Variants in FKTN observed in about 807,000 individuals in gnomAD.
The protein encoded by FKTN is fukutin.
In FKTN, 47 loss-of-function variants were observed where a neutral mutation model predicts 58.6. The observed-to-expected ratio is 0.80, with a 90% confidence interval of 0.63 to 1.02. The LOEUF (loss-of-function observed/expected upper bound fraction) is 1.02. Among genes scored for constraint, FKTN ranks in the 50% least tolerant of loss-of-function variants. FKTN has a pLI of 0.00. For synonymous variants in FKTN, 178 were observed against 191.9 expected (o/e 0.93, Z 0.60); for missense variants, 516 against 537.3 (o/e 0.96, Z 0.39).
rs575267673 is a variant in FKTN at position 105,624,005 on chromosome 9, C to T, written c.1172+3944C>T. On this transcript the variant is annotated intron_variant, in intron 10 of 10. Transcript: ENST00000357998. ...AAAAAATTCTGTGGGCATCTGTATA[C>T]GTAAAGTAAAAACTTTAAGGGGTTG... Among the ~76,000 whole-genome samples the T allele has an allele frequency of 6.8e-4, 104 of 152,074 alleles. 1 individual carries two copies. The Middle Eastern group carries it at 0.021, about 30-fold the overall frequency.
intron 1 of FKTN, among the ~76,000 whole-genome samples, chr9:105,568,712 A>G (rs1362002356): frequency 1.3e-5 from 2 of 152,232 alleles, no homozygotes; most frequent in African/African-American, 4.8e-5. Context: ...TGGTTCAACC[A>G]TTGTGGAAGA....
chr9:105,634,364 C>T (rs1833831064), intron 10 of FKTN, among the ~76,000 whole-genome samples: 1 of 152,062 alleles, frequency 6.6e-6, no homozygotes, highest in Non-Finnish European at 1.5e-5. Flanking sequence ...GAACTTCTGG[C>T]CTCAAGTGAT....
At chr9:105,560,160 A>G (rs147601195) in intron 1 of FKTN, among the ~76,000 whole-genome samples, 3 of 152,366 alleles carry the variant, frequency 2.0e-5, no homozygotes, top group Non-Finnish European at 4.4e-5. Context: ...AAATATTTAT[A>G]TGTTTCAAGC....
intron 1 of FKTN, among the ~76,000 whole-genome samples, chr9:105,568,462 TCAA>T (rs1157115295): frequency 6.6e-6 from 1 of 151,794 alleles, no homozygotes; most frequent in Non-Finnish European, 1.5e-5. Context: ...AACAACCCCA[TCAA>T]CAAGTGGGCA....
At chr9:105,587,266 G>A (rs1844079607) in intron 3 of FKTN, among the ~76,000 whole-genome samples, 1 of 152,062 alleles carries the variant, frequency 6.6e-6, no homozygotes. Context: ...ATCTTATTTT[G>A]CATTCTATTT....
chr9:105,611,842 TTA>T (rs1169708911), intron 7 of FKTN, among the ~76,000 whole-genome samples: 4 of 152,154 alleles, frequency 2.6e-5, no homozygotes, highest in African/African-American at 9.7e-5. Context: ...AATGAATGAT[TTA>T]TATTCCTTTC....
chr9:105,609,315 A>G (rs1033963161), intron 7 of FKTN, among the ~76,000 whole-genome samples: 11 of 152,322 alleles, frequency 7.2e-5, no homozygotes, highest in Non-Finnish European at 1.0e-4. Flanking sequence ...TTTTAAATAC[A>G]TAAAAGCTGC....
At chr9:105,583,819 A>T (rs1275697544) in intron 3 of FKTN, among the ~76,000 whole-genome samples, 1 of 152,056 alleles carries the variant, frequency 6.6e-6, no homozygotes, top group African/African-American at 2.4e-5. Context: ...TAATGTTTAA[A>T]TTTTTTCACT....
intron 7 of FKTN, among the ~76,000 whole-genome samples, chr9:105,613,557 T>A (rs1204236660): frequency 6.6e-6 from 1 of 152,242 alleles, no homozygotes; most frequent in Non-Finnish European, 1.5e-5. Flanking sequence ...ATTTATTCAT[T>A]TGCCCATTCA....
chr9:105,598,047 A>G (rs779853699), intron 4 of FKTN: 15 of 411,546 alleles, frequency 3.6e-5, no homozygotes, highest in Admixed American at 6.6e-5. Flanking sequence ...GCTTAAAATA[A>G]TAGAAAAAAG....
chr9:105,565,624 T>C (rs1401120251), intron 1 of FKTN, among the ~76,000 whole-genome samples: 1 of 151,956 alleles, frequency 6.6e-6, no homozygotes, highest in Non-Finnish European at 1.5e-5. Flanking sequence ...ATGCACCCAA[T>C]ACAGGAGCAC....
Position 105,636,488 on chromosome 9 carries a change from C to CGTCT in FKTN, c.*1224_*1225insGTCT. 1 of 1,002,840 alleles carries CGTCT rather than the reference C, an allele frequency of 1.0e-6. No individual in the cohort carries two copies. The highest frequency in any genetic ancestry group is 1.2e-6 in the Non-Finnish European group (1 of 838,468). The allele number at this position is 1,002,840 out of a possible 1,614,324, so 62.1% of individuals were successfully genotyped here. A position where few individuals can be genotyped will look rare whatever the true frequency, so the allele number is the denominator to read the frequency against. On this transcript the variant is annotated 3_prime_UTR_variant, in exon 11 of 11. Transcript: ENST00000357998. Reference sequence around the variant, plus strand: ...AATGTCGATGGGGCAAGAACTCAGACTTCTACTTTACCAAGTACCACACAC... The same window carrying CGTCT: ...AATGTCGATGGGGCAAGAACTCAGACGTCTTTCTACTTTACCAAGTACCACACAC...
At chr9:105,622,007 C>T (rs1206938307) in intron 10 of FKTN, among the ~76,000 whole-genome samples, 1 of 152,036 alleles carries the variant, frequency 6.6e-6, no homozygotes, top group Non-Finnish European at 1.5e-5. Context: ...AATTGCCCTC[C>T]AAAGATGTTT....
At chr9:105,612,928 A>G (rs749286156) in intron 7 of FKTN, among the ~76,000 whole-genome samples, 5 of 152,086 alleles carry the variant, frequency 3.3e-5, no homozygotes, top group African/African-American at 4.8e-5. Context: ...TCATGCCCCT[A>G]AATTCCAGCC....
intron 1 of FKTN, among the ~76,000 whole-genome samples, chr9:105,568,525 GAC>G (rs1840125132): frequency 6.6e-6 from 1 of 152,180 alleles, no homozygotes; most frequent in African/African-American, 2.4e-5. Flanking sequence ...GCAGCCAACA[GAC>G]ACATGAAAAA....
chr9:105,636,070 G>T lies in FKTN; in HGVS notation c.*806G>T. On this transcript the variant is annotated 3_prime_UTR_variant, in exon 11 of 11. Transcript: ENST00000357998. ...GTTACTAGACATGATCTTGAAAGAG[G>T]CCATGATTTCACAAAACTCATTTTT... The T allele has an allele frequency of 2.0e-6, 2 of 984,772 alleles. No homozygotes were observed. Among genetic ancestry groups the T allele is most frequent in the South Asian group, 4.7e-5 (1 of 21,266 alleles). The allele number at this position is 984,772 out of a possible 1,614,324, so 61.0% of individuals were successfully genotyped here.
At chr9:105,564,081 T>A (rs1347374870) in intron 1 of FKTN, among the ~76,000 whole-genome samples, 1 of 152,228 alleles carries the variant, frequency 6.6e-6, no homozygotes, top group African/African-American at 2.4e-5. Flanking sequence ...GACCTGCATC[T>A]GAGGGTCCTG....
Position 105,560,704 on chromosome 9 carries a change from A to G in FKTN, c.-181+2539A>G, listed in dbSNP as rs563764612. On this transcript the variant is annotated intron_variant, in intron 1 of 10. Transcript: ENST00000357998. ...TGTCACACTCTAAGCCCTGTGTTTG[A>G]TTCTATTTGCTGTATGATTTTATTA... Among the ~76,000 whole-genome samples the G allele has an allele frequency of 1.4e-4, 22 of 152,250 alleles. No homozygotes were observed. The South Asian group carries it at 4.4e-3, about 30-fold the overall frequency.
chr9:105,577,993 T>A (rs1842077682), intron 3 of FKTN, among the ~76,000 whole-genome samples: 1 of 152,022 alleles, frequency 6.6e-6, no homozygotes, highest in African/African-American at 2.4e-5. Flanking sequence ...TGTATAAGAA[T>A]GCTTGTGATT....
Sources: allele counts gnomAD v4.1 joint callset (sites outside exome capture counted in the v4.1 genomes callset), GRCh38; gene constraint gnomAD v4.1.1; transcripts MANE v1.5; gene names NCBI Gene and HGNC (gene_info 2026-07-23, HGNC 2026-07-21).